Variants in ARFIP1 observed in about 807,000 individuals in gnomAD.
The protein encoded by ARFIP1 is arfaptin-1.
A neutral mutation model predicts 42.5 loss-of-function variants in ARFIP1; 24 were observed. The ratio of observed to expected loss-of-function variants is 0.57; its 90% CI spans 0.41 to 0.80. The LOEUF (loss-of-function observed/expected upper bound fraction) is 0.80, where lower values mean the gene tolerates loss of function less well. Among genes scored for constraint, ARFIP1 ranks in the 30% least tolerant of loss-of-function variants. ARFIP1 has a pLI of 0.00. For synonymous variants in ARFIP1, 141 were observed against 153.7 expected, an observed-to-expected ratio of 0.92 and a Z score of 0.61; for missense variants, 354 against 434.0, an observed-to-expected ratio of 0.82 and a Z score of 1.64.
At chr4:152,807,781 A>G (rs1423940877) in intron 1 of ARFIP1, among the ~76,000 whole-genome samples, 1 of 149,724 alleles carries the variant, frequency 6.7e-6, no homozygotes, top group Non-Finnish European at 1.5e-5. Context: ...GATTATCAGT[A>G]TTTTTCTTTT....
chr4:152,790,741 T>C (rs550695988), intron 1 of ARFIP1, among the ~76,000 whole-genome samples: 1 of 147,390 alleles, frequency 6.8e-6, no homozygotes, highest in South Asian at 2.2e-4. Context: ...TTTTTTTTTT[T>C]TTTTTTTTTT....
chr4:152,815,105 C>A (rs753925702), intron 1 of ARFIP1, among the ~76,000 whole-genome samples: 4 of 152,144 alleles, frequency 2.6e-5, no homozygotes, highest in Non-Finnish European at 5.9e-5. Context: ...TGAGTTTTTT[C>A]TGCTAGTGCC....
chr4:152,889,395 T>C (rs1736531562), intron 8 of ARFIP1, among the ~76,000 whole-genome samples: 1 of 149,612 alleles, frequency 6.7e-6, no homozygotes. Context: ...AAAGGAAACC[T>C]CAGCAGAGTT....
chr4:152,794,363 C>T (rs546208907), intron 1 of ARFIP1, among the ~76,000 whole-genome samples: 1 of 152,254 alleles, frequency 6.6e-6, no homozygotes, highest in East Asian at 1.9e-4. Flanking sequence ...TTTAGAATAT[C>T]TCGCAGTTTA....
chr4:152,839,462 T>G (rs892950613), intron 2 of ARFIP1, among the ~76,000 whole-genome samples: 2 of 152,184 alleles, frequency 1.3e-5, no homozygotes, highest in South Asian at 2.1e-4. Context: ...TCACTGCTTG[T>G]TATTGATCTG....
intron 2 of ARFIP1, among the ~76,000 whole-genome samples, chr4:152,835,345 C>A (rs1731565607): frequency 6.6e-6 from 1 of 152,208 alleles, no homozygotes; most frequent in Admixed American, 6.5e-5. Context: ...TTAGAAATTT[C>A]TTCTGCCAGA....
intron 3 of ARFIP1, 119 bp from the exon 4 acceptor site, chr4:152,870,634 C>T: frequency 1.5e-6 from 1 of 685,910 alleles, no homozygotes; most frequent in Non-Finnish European, 2.5e-6. Flanking sequence ...TATATTAATT[C>T]CAACTTTTAA....
chr4:152,859,299 C>T lies in ARFIP1; in HGVS notation c.94-4307C>T, dbSNP rs184124804. On this transcript the variant is annotated intron_variant, in intron 2 of 8. Transcript: ENST00000353617. ...CTAGTCTCAAATTCCCGAGCTCAAG[C>T]GATCCTCTTGTCTCAACCTCCCAAA... Among the ~76,000 whole-genome samples, 193 of 152,218 alleles carry T rather than the reference C, an allele frequency of 1.3e-3. 1 individual carries two copies. The highest frequency in any genetic ancestry group is 4.4e-3 in the African/African-American group (181 of 41,524).
intron 1 of ARFIP1, among the ~76,000 whole-genome samples, chr4:152,825,098 A>G (rs533189051): frequency 2.0e-5 from 3 of 152,322 alleles, no homozygotes; most frequent in Non-Finnish European, 2.9e-5. Context: ...GAATGAAAAT[A>G]CATTCCATAA....
At chr4:152,805,965 A>G (rs1374848409) in intron 1 of ARFIP1, among the ~76,000 whole-genome samples, 1 of 152,184 alleles carries the variant, frequency 6.6e-6, no homozygotes, top group Non-Finnish European at 1.5e-5. Flanking sequence ...GGCTTTCCCC[A>G]ACTTTGGTTG....
intron 2 of ARFIP1, among the ~76,000 whole-genome samples, chr4:152,836,817 A>G (rs1343383358): frequency 6.6e-6 from 1 of 152,010 alleles, no homozygotes; most frequent in Non-Finnish European, 1.5e-5. Flanking sequence ...CAAGTTATTG[A>G]GGTACAGGTG....
intron 8 of ARFIP1, among the ~76,000 whole-genome samples, chr4:152,898,943 T>A (rs1181993282): frequency 6.6e-6 from 1 of 152,228 alleles, no homozygotes; most frequent in Non-Finnish European, 1.5e-5. Context: ...TGATAAGGCT[T>A]TTCCATTGGA....
chr4:152,817,499 A>G lies in ARFIP1; in HGVS notation c.-9-12126A>G, dbSNP rs573672993. On this transcript the variant is annotated intron_variant, in intron 1 of 8. Transcript: ENST00000353617. ...AAGACCTAAATGTAGACCTAAGACT[A>G]TAAAAGTCTTAGGAGAAAACAGGAA... Among the ~76,000 whole-genome samples, 4 of 152,344 alleles carry G rather than the reference A, an allele frequency of 2.6e-5. No homozygotes were observed. The East Asian group carries it at 7.7e-4, about 29-fold the overall frequency.
At chr4:152,801,027 G>A (rs1728378997) in intron 1 of ARFIP1, among the ~76,000 whole-genome samples, 1 of 152,132 alleles carries the variant, frequency 6.6e-6, no homozygotes, top group African/African-American at 2.4e-5. Flanking sequence ...GAAGAAACAT[G>A]ATTGGTAGAA....
At chr4:152,829,828 G>T in intron 2 of ARFIP1, 102 bp downstream of exon 2, 1 of 934,000 alleles carries the variant, frequency 1.1e-6, no homozygotes, top group Non-Finnish European at 1.6e-6. Context: ...TGTTTTCTTA[G>T]ATTGGCTTCA....
At chr4:152,796,748 C>T (rs1215114381) in intron 1 of ARFIP1, 2 of 764,430 alleles carry the variant, frequency 2.6e-6, no homozygotes, top group South Asian at 1.4e-5. Flanking sequence ...TCTTGAGCTT[C>T]TCGACTTTCC....
intron 2 of ARFIP1, among the ~76,000 whole-genome samples, chr4:152,846,381 G>GCA (rs113547637): frequency 1.3e-5 from 2 of 151,158 alleles, no homozygotes; most frequent in South Asian, 2.1e-4. Context: ...GCACACACAC[G>GCA]CACACACACA....
At chr4:152,842,026 G>T (rs763791865) in intron 2 of ARFIP1, among the ~76,000 whole-genome samples, 1 of 152,106 alleles carries the variant, frequency 6.6e-6, no homozygotes, top group Non-Finnish European at 1.5e-5. Flanking sequence ...GGACTAGCTG[G>T]ATTTCCTAGG....
intron 3 of ARFIP1, 47 bp from the exon 4 acceptor site, chr4:152,870,706 G>A (rs374936819): frequency 6.8e-6 from 9 of 1,320,002 alleles, no homozygotes; most frequent in South Asian, 4.7e-5. Context: ...TGTACAGTAT[G>A]TGGAGGAGGA....
Sources: gnomAD v4.1 joint callset for allele counts (sites outside exome capture counted in the v4.1 genomes callset) on GRCh38, gnomAD v4.1.1 for gene constraint, MANE v1.5 for transcripts, NCBI Gene and HGNC (gene_info 2026-07-23, HGNC 2026-07-21) for gene names.